PKM: variants seen among roughly 807,000 people sequenced by gnomAD.
The protein encoded by PKM is pyruvate kinase PKM.
A neutral mutation model predicts 49.8 loss-of-function variants in PKM; 18 were observed. That is an observed-to-expected ratio of 0.36 (90% confidence interval 0.25 to 0.54). PKM has a LOEUF of 0.54. PKM is among the 20% of genes least tolerant of loss of function. The pLI, the probability that PKM is intolerant of heterozygous loss-of-function variation, is 0.89. For synonymous variants in PKM, 239 were observed against 261.8 expected, an observed-to-expected ratio of 0.91 and a Z score of 0.84; for missense variants, 508 against 713.8, an observed-to-expected ratio of 0.71 and a Z score of 3.28.
At chr15:72,229,911 T>TAAA (rs35843341) in intron 1 of PKM, among the ~76,000 whole-genome samples, 2 of 132,534 alleles carry the variant, frequency 1.5e-5, no homozygotes, top group African/African-American at 2.7e-5. Context: ...GCCGGATAAT[T>TAAA]AAAAAAAAAA....
In PKM at chr15:72,219,198, A is replaced by T. The variant is rs1022986210; in HGVS notation, c.-13-88T>A. 2.5e-6 allele frequency: 3 copies of T among 1,218,154 alleles called. No homozygotes were observed. In the East Asian group the frequency reaches 7.0e-5, roughly 29 times the overall value. 75.5% of individuals were successfully genotyped at this position (1,218,154 alleles called of 1,614,324 possible). A position where few individuals can be genotyped will look rare whatever the true frequency, so the allele number is the denominator to read the frequency against. On this transcript the variant is annotated intron_variant, in intron 1 of 10. Transcript: ENST00000335181. ...ACAGAAGGCTGTCTCCTGCTTACAC[A>T]TTAACTCAATAAGCACGCTTTGTAC...
chr15:72,223,412 C>T (rs565515466), intron 1 of PKM, among the ~76,000 whole-genome samples: 9 of 152,284 alleles, frequency 5.9e-5, no homozygotes, highest in African/African-American at 9.6e-5. Flanking sequence ...CACTTTCTCC[C>T]TCCAACGTTG....
At chr15:72,226,019 G>A (rs1415275753) in intron 1 of PKM, among the ~76,000 whole-genome samples, 2 of 152,278 alleles carry the variant, frequency 1.3e-5, no homozygotes, top group African/African-American at 4.8e-5. Context: ...TTGCCCATCG[G>A]TGACATTTGT....
intron 10 of PKM, among the ~76,000 whole-genome samples, 194 bp from the exon 11 acceptor site, chr15:72,199,950 G>C (rs1329555414): frequency 6.6e-6 from 1 of 152,162 alleles, no homozygotes; most frequent in East Asian, 1.9e-4. Context: ...CAGATGGCAG[G>C]GTTGGCAGGG....
At position 72,200,557 on chromosome 15, in the gene PKM, A is replaced by G; in HGVS notation, c.1406T>C (p.Ile469Thr). Reference protein sequence around the residue: ...TARQAHLYRGIFPVLCKDPVQ... With the variant: ...TARQAHLYRGTFPVLCKDPVQ... Reference sequence around the variant, plus strand: ...TGGGTCCTTGCACAGCACAGGGAAGATGCCACGGTACAGGTGGGCCTGACG... The same window carrying G: ...TGGGTCCTTGCACAGCACAGGGAAGGTGCCACGGTACAGGTGGGCCTGACG... Residue 469 changes from isoleucine to threonine, a missense_variant, in exon 10 of 11, where the codon ATC (isoleucine) becomes ACC (threonine). Physicochemically the swap from Ile to Thr is moderately conservative, Grantham distance 89 (BLOSUM62 -1). Coordinates refer to ENST00000335181, the MANE Select transcript of PKM (RefSeq NM_002654.6). The surrounding 1 kb of genome is among the most constrained non-coding windows in gnomAD (Gnocchi z 4.6). 6.2e-7 allele frequency: 1 copy of G among 1,614,044 alleles called. No homozygotes were observed. The highest frequency in any genetic ancestry group is 8.5e-7 in the Non-Finnish European group (1 of 1,179,946).
At position 72,199,578 on chromosome 15, in the gene PKM, G is replaced by T; in HGVS notation, c.*72C>A. On this transcript the variant is annotated 3_prime_UTR_variant, in exon 11 of 11. Transcript: ENST00000335181. ...TTACAGCCCAGAGTGAGTTCTACAAGCGTTGCTGGCCTAATGGATGGGCTG... is the reference window on the plus strand; with the variant it reads ...TTACAGCCCAGAGTGAGTTCTACAATCGTTGCTGGCCTAATGGATGGGCTG... 1 of 1,047,650 alleles carries T rather than the reference G, an allele frequency of 9.5e-7. No individual in the cohort carries two copies. Among genetic ancestry groups the T allele is most frequent in the Non-Finnish European group, 1.5e-6 (1 of 671,360 alleles). 64.9% of individuals were successfully genotyped at this position (1,047,650 alleles called of 1,614,324 possible). A position where few individuals can be genotyped will look rare whatever the true frequency, so the allele number is the denominator to read the frequency against.
rs113498957 is a variant in PKM at position 72,210,481 on chromosome 15, G to A, written c.247-3C>T. ...TTCTTGATGGTCTCCGCATGGTACT[G>A]GGGGAAAAGAAGGAAGATGACAAGC... On this transcript the variant is annotated splice_polypyrimidine_tract_variant and splice_region_variant and intron_variant, in intron 3 of 10. Transcript: ENST00000335181. 6.2e-7 allele frequency: 1 copy of A among 1,613,974 alleles called. No homozygotes were observed. The highest frequency in any genetic ancestry group is 1.7e-5 in the Admixed American group (1 of 60,014).
At chr15:72,228,463 C>T in intron 1 of PKM, 2 of 370,698 alleles carry the variant, frequency 5.4e-6, no homozygotes, top group Non-Finnish European at 1.1e-5. Context: ...CTGCAAGCTC[C>T]GTAGTTGAGG....
intron 2 of PKM, among the ~76,000 whole-genome samples, chr15:72,218,403 G>T (rs940728687): frequency 4.6e-5 from 7 of 151,992 alleles, no homozygotes; most frequent in African/African-American, 1.2e-4. Flanking sequence ...CTGGATTACA[G>T]GCATGTGCCA....
chr15:72,215,025 C>A (rs1596768000), intron 3 of PKM, among the ~76,000 whole-genome samples: 2 of 151,856 alleles, frequency 1.3e-5, no homozygotes, highest in South Asian at 4.1e-4. Flanking sequence ...ATGGCGAAAC[C>A]CCGTCTCTAC....
In PKM at chr15:72,212,798, G is replaced by A. The variant is rs143048369; in HGVS notation, c.247-2320C>T. Among the ~76,000 whole-genome samples the A allele has an allele frequency of 5.3e-5, 8 of 152,222 alleles. No individual in the cohort carries two copies. The East Asian group carries it at 1.4e-3, about 26-fold the overall frequency. ...AAGTCAACCTTAACTCAGGCCAGGC[G>A]CAGTGGCTCACGCCTGTAATCCCAG... is the stretch of plus-strand genomic sequence containing the variant. On this transcript the variant is annotated intron_variant, in intron 3 of 10. Coordinates refer to ENST00000335181, the MANE Select transcript of PKM (RefSeq NM_002654.6).
At chr15:72,228,720 A>G in intron 1 of PKM, 1 of 792,148 alleles carries the variant, frequency 1.3e-6, no homozygotes, top group Non-Finnish European at 1.8e-6. Flanking sequence ...ACAGCACCTC[A>G]GGCCACCAAA....
chr15:72,206,633 AG>A, intron 8 of PKM, 94 bp downstream of exon 8: 1 of 1,220,738 alleles, frequency 8.2e-7, no homozygotes, highest in Admixed American at 1.7e-5. Context: ...TGTGCATAAG[AG>A]GATGGAGAAA....
chr15:72,214,461 T>C (rs868191452), intron 3 of PKM, among the ~76,000 whole-genome samples: 13 of 152,226 alleles, frequency 8.5e-5, no homozygotes, highest in African/African-American at 2.9e-4. Context: ...CATCCATCAA[T>C]GCTGTCCTGT....
chr15:72,209,197 T>C (rs1000107033), intron 5 of PKM, among the ~76,000 whole-genome samples: 1 of 151,660 alleles, frequency 6.6e-6, no homozygotes, highest in Non-Finnish European at 1.5e-5. Flanking sequence ...CAAAACGCCA[T>C]CTCTACTAAA....
intron 4 of PKM, chr15:72,210,089 TG>T: frequency 1.6e-6 from 1 of 620,718 alleles, no homozygotes; most frequent in Non-Finnish European, 2.8e-6. Flanking sequence ...TACAAAGAGA[TG>T]GTTCTCCAAG....
chr15:72,228,387 T>TG (rs1273667373), intron 1 of PKM, among the ~76,000 whole-genome samples: 2 of 149,806 alleles, frequency 1.3e-5, no homozygotes, highest in African/African-American at 2.5e-5. Context: ...TTTTTTTTTT[T>TG]TTTTTTTTGA....
intron 1 of PKM, among the ~76,000 whole-genome samples, chr15:72,223,888 CT>C: frequency 6.7e-6 from 1 of 149,128 alleles, no homozygotes; most frequent in Middle Eastern, 3.4e-3. Flanking sequence ...AATGAGCCCA[CT>C]TGTAGGTTCT....
At chr15:72,203,373 G>A in intron 8 of PKM, 1 of 616,026 alleles carries the variant, frequency 1.6e-6, no homozygotes. Context: ...GCTTCAGGAG[G>A]TGCTGCCACT....
Sources: allele counts gnomAD v4.1 joint callset (sites outside exome capture counted in the v4.1 genomes callset), GRCh38; gene constraint gnomAD v4.1.1; non-coding constraint Gnocchi (gnomAD v3.1); transcripts MANE v1.5; gene names NCBI Gene and HGNC (gene_info 2026-07-23, HGNC 2026-07-21).